ATP6V1B2: variants seen among roughly 807,000 people sequenced by gnomAD.
The protein encoded by ATP6V1B2 is ATPase H+ transporting V1 subunit B2.
Under a neutral mutation model 66.7 loss-of-function variants are expected in ATP6V1B2, and 23 were observed. The observed-to-expected ratio is 0.34, with a 90% CI of 0.25 to 0.49. The LOEUF is 0.49. Among genes scored for constraint, ATP6V1B2 ranks in the 20% least tolerant of loss-of-function variants. The pLI is 0.99. For missense variants in ATP6V1B2, 478 were observed against 650.8 expected, an observed-to-expected ratio of 0.73 and a Z score of 2.89; for synonymous variants, 278 against 236.7, an observed-to-expected ratio of 1.17 and a Z score of -1.60.
rs1285071275 is a variant in ATP6V1B2 at position 20,212,020 on chromosome 8, C to G, written c.706-82C>G. On this transcript the variant is annotated intron_variant, in intron 7 of 13. Transcript: ENST00000276390. ...TGAGGTTTTAAAAGAAGGAACAATT[C>G]AAATCTGTAGCTTGGCTTTCATCAG... The G allele has an allele frequency of 2.2e-6, 3 of 1,336,480 alleles. No homozygotes were observed. The African/African-American group carries it at 4.4e-5, about 20-fold the overall frequency. 82.8% of individuals were successfully genotyped at this position (1,336,480 alleles called of 1,614,324 possible).
At chr8:20,218,993 T>C (rs1447438944) in intron 13 of ATP6V1B2, among the ~76,000 whole-genome samples, 1 of 152,252 alleles carries the variant, frequency 6.6e-6, no homozygotes, top group African/African-American at 2.4e-5. Context: ...CTGGGCATTA[T>C]TCTTAACCTT....
chr8:20,198,430 A>G (rs1259868274), intron 1 of ATP6V1B2, among the ~76,000 whole-genome samples: 1 of 152,234 alleles, frequency 6.6e-6, no homozygotes, highest in African/African-American at 2.4e-5. Flanking sequence ...AAAAGGCCTT[A>G]ATGAACTAGG....
intron 10 of ATP6V1B2, 174 bp from the exon 11 acceptor site, chr8:20,216,239 G>A: frequency 1.8e-6 from 1 of 568,626 alleles, no homozygotes; most frequent in Non-Finnish European, 3.1e-6. Flanking sequence ...GTACTGCACA[G>A]CACAGACACA....
At chr8:20,215,017 G>C in intron 10 of ATP6V1B2, 49 bp downstream of exon 10, 2 of 1,568,794 alleles carry the variant, frequency 1.3e-6, no homozygotes, top group South Asian at 2.3e-5. Context: ...TTTAAAGAGA[G>C]AGAAGACCCA....
chr8:20,219,210 T>C (rs1327850862), intron 13 of ATP6V1B2, among the ~76,000 whole-genome samples: 1 of 152,196 alleles, frequency 6.6e-6, no homozygotes, highest in Non-Finnish European at 1.5e-5. Flanking sequence ...TTTGCATTTC[T>C]GTGAATTCCT....
At chr8:20,219,992 A>G (rs895008742) in intron 13 of ATP6V1B2, among the ~76,000 whole-genome samples, 5 of 152,148 alleles carry the variant, frequency 3.3e-5, no homozygotes, top group Non-Finnish European at 7.3e-5. Context: ...TATCCTACCC[A>G]GTTGTCAAAT....
chr8:20,201,319 T>C (rs1193253742), intron 1 of ATP6V1B2, among the ~76,000 whole-genome samples: 1 of 152,208 alleles, frequency 6.6e-6, no homozygotes, highest in African/African-American at 2.4e-5. Flanking sequence ...GGTTTTTTCC[T>C]GTTTTGAAGG....
At chr8:20,216,979 C>A in intron 11 of ATP6V1B2, 1 of 475,482 alleles carries the variant, frequency 2.1e-6, no homozygotes, top group Non-Finnish European at 3.8e-6. Flanking sequence ...TTAAAATAGT[C>A]TTGTACAGTG....
At chr8:20,203,632 T>G (rs564478636) in intron 1 of ATP6V1B2, among the ~76,000 whole-genome samples, 3 of 152,180 alleles carry the variant, frequency 2.0e-5, no homozygotes, top group Admixed American at 2.0e-4. Context: ...CTTATGAAAT[T>G]TAGTGAATTT....
chr8:20,200,835 CTCA>C (rs1450669157), intron 1 of ATP6V1B2, among the ~76,000 whole-genome samples: 7 of 152,318 alleles, frequency 4.6e-5, no homozygotes, highest in African/African-American at 1.4e-4. Context: ...GTGCTCACTG[CTCA>C]TCATGCAGAT....
chr8:20,199,082 A>G (rs892979832), intron 1 of ATP6V1B2, among the ~76,000 whole-genome samples: 1 of 152,220 alleles, frequency 6.6e-6, no homozygotes, highest in African/African-American at 2.4e-5. Flanking sequence ...TTCAGTGTCA[A>G]TTCAGAGAAT....
intron 10 of ATP6V1B2, 123 bp downstream of exon 10, chr8:20,215,091 G>C: frequency 1.8e-6 from 2 of 1,102,648 alleles, no homozygotes; most frequent in Non-Finnish European, 2.5e-6. Context: ...TTGGTTATTT[G>C]CCTAAATAAA....
intron 10 of ATP6V1B2, 91 bp downstream of exon 10, chr8:20,215,059 A>G: frequency 7.4e-7 from 1 of 1,349,406 alleles, no homozygotes; most frequent in Non-Finnish European, 1.0e-6. Flanking sequence ...TATTTTGAGA[A>G]CACATCCCCT....
chr8:20,197,627 G>T, intron 1 of ATP6V1B2, 85 bp downstream of exon 1: 3 of 1,280,044 alleles, frequency 2.3e-6, no homozygotes, highest in Middle Eastern at 2.0e-4. Flanking sequence ...CCAGCGGGTA[G>T]GGGGTAGGAT....
At chr8:20,201,497 A>G (rs2128884558) in intron 1 of ATP6V1B2, among the ~76,000 whole-genome samples, 1 of 152,244 alleles carries the variant, frequency 6.6e-6, no homozygotes. Flanking sequence ...GAAGAGCTGT[A>G]GTTTTATACA....
rs370255159 is a variant in ATP6V1B2, at chr8:20,209,402, G to C, written c.193-31G>C. The C allele has an allele frequency of 1.9e-6, 3 of 1,599,406 alleles. No individual in the cohort carries two copies. The African/African-American group carries it at 4.0e-5, about 21-fold the overall frequency. On this transcript the variant is annotated intron_variant, in intron 2 of 13. Transcript: ENST00000276390. ...TAATTTGGGGGGCTTGTAAAATGTC[G>C]GATATTGATCCTTTATTTTTTTCTC...
chr8:20,217,078 C>T (rs566168229), intron 11 of ATP6V1B2, 142 bp from the exon 12 acceptor site: 14 of 667,314 alleles, frequency 2.1e-5, no homozygotes, highest in African/African-American at 5.4e-5. Flanking sequence ...CAGGAAGAGA[C>T]AGTAGGATTC....
intron 3 of ATP6V1B2, 83 bp downstream of exon 3, chr8:20,209,614 T>C: frequency 7.9e-7 from 1 of 1,271,840 alleles, no homozygotes; most frequent in Non-Finnish European, 1.1e-6. Flanking sequence ...TGATGATCAT[T>C]GCATAAGTGT....
intron 1 of ATP6V1B2, among the ~76,000 whole-genome samples, chr8:20,200,654 A>G (rs1024689563): frequency 2.6e-5 from 4 of 152,250 alleles, no homozygotes; most frequent in Non-Finnish European, 1.5e-5. Context: ...AGATTCAACA[A>G]CATACATAGA....
Sources: gnomAD v4.1 joint callset for allele counts (sites outside exome capture counted in the v4.1 genomes callset) on GRCh38, gnomAD v4.1.1 for gene constraint, MANE v1.5 for transcripts, NCBI Gene and HGNC (gene_info 2026-07-23, HGNC 2026-07-21) for gene names.